Variants in WDFY4 observed in about 807,000 individuals in gnomAD.
WDFY4 encodes the protein WDFY family member 4, also known as WD repeat- and FYVE domain-containing protein 4.
WDFY4 carries 169 observed loss-of-function variants against 351.9 expected under a neutral mutation model. That is an observed-to-expected ratio of 0.48 (90% CI 0.42 to 0.55). The LOEUF is 0.55. Ranked by LOEUF, WDFY4 falls within the 20% of genes least tolerant of loss-of-function variation. WDFY4 has a pLI of 0.00. For synonymous variants in WDFY4, 1,622 were observed against 1,574.6 expected (o/e 1.03, Z -0.71); for missense variants, 3,803 against 3,935.6 (o/e 0.97, Z 0.90).
At chr10:48,813,605 C>T (rs1399967810) in intron 30 of WDFY4, among the ~76,000 whole-genome samples, 1 of 152,170 alleles carries the variant, frequency 6.6e-6, no homozygotes, top group Non-Finnish European at 1.5e-5. Flanking sequence ...CTCTATACCT[C>T]TACATGCTGA....
At chr10:48,968,825 G>T in intron 55 of WDFY4, 2 of 516,378 alleles carry the variant, frequency 3.9e-6, no homozygotes, top group Non-Finnish European at 7.0e-6. Flanking sequence ...GATGGGAATT[G>T]TGCCTCCCTG....
At chr10:48,849,195 T>C (rs998810587) in intron 39 of WDFY4, among the ~76,000 whole-genome samples, 1 of 152,160 alleles carries the variant, frequency 6.6e-6, no homozygotes, top group Admixed American at 6.5e-5. Context: ...CTTAAAAAAA[T>C]AATAAAGAAG....
At chr10:48,950,845 C>T (rs1478981748) in intron 51 of WDFY4, among the ~76,000 whole-genome samples, 1 of 152,248 alleles carries the variant, frequency 6.6e-6, no homozygotes, top group Non-Finnish European at 1.5e-5. Flanking sequence ...GTGCTGGCTG[C>T]ATGTGTGTGC....
intron 39 of WDFY4, among the ~76,000 whole-genome samples, chr10:48,854,111 G>A (rs1339881886): frequency 7.4e-6 from 1 of 136,008 alleles, no homozygotes. Context: ...GACAGTCTAA[G>A]TCATTTTTTT....
intron 48 of WDFY4, 109 bp from the exon 49 acceptor site, chr10:48,943,221 T>C: frequency 7.5e-7 from 1 of 1,337,682 alleles, no homozygotes; most frequent in Non-Finnish European, 1.0e-6. Context: ...TGGCTGCCTG[T>C]CCTCACCCAC....
rs1262283067 is a variant in WDFY4 at position 48,806,043 on chromosome 10, G to A, written c.4686G>A (p.Ser1562=). Residue 1562 remains serine (S), a synonymous_variant, in exon 27 of 62, where the codon TCG becomes TCA. Coordinates refer to ENST00000325239, the MANE Select transcript of WDFY4 (RefSeq NM_001394531.1). ...LFVVYTLKPS[S]VNERQICMDG... ...TTGTGTACACCCTCAAGCCTTCGTC[G>A]GTGAATGAGAGGCAGATCTGCATGG... 31 of 1,551,538 alleles carry A rather than the reference G, an allele frequency of 2.0e-5. No individual in the cohort carries two copies. The highest frequency in any genetic ancestry group is 9.8e-5 in the East Asian group (4 of 40,924).
At chr10:48,777,335 G>A in intron 16 of WDFY4, 84 bp from the exon 17 acceptor site, 1 of 1,281,736 alleles carries the variant, frequency 7.8e-7, no homozygotes, top group Non-Finnish European at 1.1e-6. Context: ...GGTAGAGTGG[G>A]AAGATGTCAT....
chr10:48,828,384 C>T (rs1005464013), intron 36 of WDFY4, among the ~76,000 whole-genome samples: 9 of 152,174 alleles, frequency 5.9e-5, no homozygotes, highest in African/African-American at 2.2e-4. Context: ...ACAGGTTGCA[C>T]GCCCATGAAG....
intron 13 of WDFY4, among the ~76,000 whole-genome samples, chr10:48,768,954 T>G (rs1196494200): frequency 6.6e-6 from 1 of 152,112 alleles, no homozygotes; most frequent in East Asian, 1.9e-4. Flanking sequence ...TAGCAGAAGC[T>G]GAGACTGTCA....
intron 44 of WDFY4, among the ~76,000 whole-genome samples, chr10:48,897,034 G>T (rs967570517): frequency 1.3e-5 from 2 of 152,072 alleles, no homozygotes; most frequent in African/African-American, 4.8e-5. Flanking sequence ...ACCCACGAGG[G>T]CTCCTGGGCA....
rs58168917 is a variant in WDFY4 at position 48,825,375 on chromosome 10, T to C, written c.5983-1296T>C. 5.2e-3 allele frequency among the ~76,000 whole-genome samples: 792 copies of C among 152,332 alleles called. 21 individuals carry two copies. The East Asian group carries it at 0.081, about 16-fold the overall frequency. On this transcript the variant is annotated intron_variant, in intron 35 of 61. Transcript: ENST00000325239. ...AATCTATCATTGATAGACATTTGGG[T>C]TGATTCCATGTCTTTGCTATTGTGA...
intron 21 of WDFY4, 115 bp from the exon 22 acceptor site, chr10:48,789,759 T>C (rs978219256): frequency 1.8e-5 from 16 of 876,752 alleles, no homozygotes; most frequent in Non-Finnish European, 2.7e-5. Flanking sequence ...TGATCATTGC[T>C]GATGGAGTGT....
At chr10:48,886,452 C>A (rs1039484439) in intron 43 of WDFY4, among the ~76,000 whole-genome samples, 5 of 152,098 alleles carry the variant, frequency 3.3e-5, no homozygotes, top group East Asian at 1.9e-4. Flanking sequence ...GAGAGCATGA[C>A]CCTCATGAAT....
chr10:48,781,833 G>T (rs2066235925), intron 19 of WDFY4, among the ~76,000 whole-genome samples: 1 of 152,072 alleles, frequency 6.6e-6, no homozygotes, highest in Non-Finnish European at 1.5e-5. Context: ...AAGGTGCTAA[G>T]AATTGTTTTA....
Position 48,721,180 on chromosome 10 carries a change from C to T in WDFY4, c.350-81C>T, listed in dbSNP as rs866688119. The T allele has an allele frequency of 6.1e-5, 84 of 1,369,130 alleles. 1 individual carries two copies. The Middle Eastern group carries it at 1.2e-3, about 19-fold the overall frequency. 84.8% of individuals were successfully genotyped at this position (1,369,130 alleles called of 1,614,324 possible). On this transcript the variant is annotated intron_variant, in intron 3 of 61. Coordinates refer to ENST00000325239, the MANE Select transcript of WDFY4 (RefSeq NM_001394531.1). ...CCTCTACAGATGCTCAGGCACATCT[C>T]CTGGGAAGAGGGGGCCCTGGATGGA... is the stretch of plus-strand genomic sequence containing the variant.
At chr10:48,840,447 C>CACA (rs200382635) in intron 39 of WDFY4, among the ~76,000 whole-genome samples, 48 of 148,460 alleles carry the variant, frequency 3.2e-4, no homozygotes, top group African/African-American at 1.1e-3. Context: ...CACACACACA[C>CACA]CTCTCTCACG....
intron 51 of WDFY4, 64 bp from the exon 52 acceptor site, chr10:48,957,065 G>A (rs777758234): frequency 1.2e-4 from 187 of 1,520,166 alleles, no homozygotes; most frequent in Middle Eastern, 1.7e-4. Flanking sequence ...CAGAATGGAC[G>A]GTGCCTGGCC....
chr10:48,943,598 C>A, intron 49 of WDFY4, 149 bp downstream of exon 49: 1 of 645,782 alleles, frequency 1.5e-6, no homozygotes, highest in Non-Finnish European at 2.3e-6. Context: ...GCTCAGATCT[C>A]TTTTTTTTTT....
chr10:48,779,153 C>T (rs1020402996), intron 18 of WDFY4, among the ~76,000 whole-genome samples: 4 of 152,256 alleles, frequency 2.6e-5, no homozygotes, highest in African/African-American at 9.6e-5. Flanking sequence ...CTTTGCCTTG[C>T]TGGGACACAG....
Sources: gnomAD v4.1 joint callset for allele counts (sites outside exome capture counted in the v4.1 genomes callset) on GRCh38, gnomAD v4.1.1 for gene constraint, MANE v1.5 for transcripts, NCBI Gene and HGNC (gene_info 2026-07-23, HGNC 2026-07-21) for gene names.